The following GABBR2 variants were observed in gnomAD, a reference collection of about 807,000 sequenced individuals.
GABBR2 encodes the protein G-protein coupled receptor 51.
GABBR2 carries 23 observed loss-of-function variants against 105.6 expected under a neutral mutation model. The observed-to-expected ratio is 0.22, with a 90% CI of 0.16 to 0.31. GABBR2 has a LOEUF of 0.31. GABBR2 is among the 10% of genes least tolerant of loss of function. The pLI is 1.00. For missense variants in GABBR2, 734 were observed against 1,245.5 expected, an observed-to-expected ratio of 0.59 and a Z score of 6.18; for synonymous variants, 478 against 499.7, an observed-to-expected ratio of 0.96 and a Z score of 0.58.
chr9:98,362,561 T>C, intron 13 of GABBR2, 154 bp downstream of exon 13: 1 of 467,026 alleles, frequency 2.1e-6, no homozygotes, highest in Non-Finnish European at 3.6e-6. Flanking sequence ...ATATTTGGCC[T>C]CCCTGGAATT....
chr9:98,355,125 C>A (rs79389950), intron 13 of GABBR2, among the ~76,000 whole-genome samples: 2 of 151,962 alleles, frequency 1.3e-5, no homozygotes. Context: ...GCAGTCAGAA[C>A]GCACAGAACA....
chr9:98,372,333 C>T (rs1175929889), intron 11 of GABBR2, among the ~76,000 whole-genome samples: 2 of 152,150 alleles, frequency 1.3e-5, no homozygotes, highest in Admixed American at 6.5e-5. Flanking sequence ...ACCCAGGAGA[C>T]GTGCACATCT....
intron 1 of GABBR2, among the ~76,000 whole-genome samples, chr9:98,582,408 C>T (rs1274428443): frequency 6.6e-6 from 1 of 152,130 alleles, no homozygotes; most frequent in African/African-American, 2.4e-5. Context: ...CAAATCTTCC[C>T]CAGTTGAGCC....
At chr9:98,666,167 G>A (rs1164257870) in intron 1 of GABBR2, among the ~76,000 whole-genome samples, 1 of 152,242 alleles carries the variant, frequency 6.6e-6, no homozygotes, top group South Asian at 2.1e-4. Context: ...GCCTTCTGAA[G>A]GCTCAGGTGA....
At chr9:98,429,691 G>A (rs996945324) in intron 7 of GABBR2, among the ~76,000 whole-genome samples, 2 of 152,178 alleles carry the variant, frequency 1.3e-5, no homozygotes, top group African/African-American at 2.4e-5. Flanking sequence ...TTGAGGACAA[G>A]CCATTCACTC....
At chr9:98,683,117 G>A (rs1181375017) in intron 1 of GABBR2, among the ~76,000 whole-genome samples, 4 of 151,988 alleles carry the variant, frequency 2.6e-5, no homozygotes, top group Non-Finnish European at 5.9e-5. Context: ...CCCCCGAGAC[G>A]GAGTCTTGCT....
intron 1 of GABBR2, among the ~76,000 whole-genome samples, chr9:98,606,566 C>T (rs1178643676): frequency 6.6e-6 from 1 of 150,862 alleles, no homozygotes; most frequent in Admixed American, 6.6e-5. Flanking sequence ...CCGCAACCTC[C>T]ACCTCCCAGG....
chr9:98,648,390 C>T (rs1270413167), intron 1 of GABBR2, among the ~76,000 whole-genome samples: 1 of 152,136 alleles, frequency 6.6e-6, no homozygotes, highest in Non-Finnish European at 1.5e-5. Context: ...ACCTCAGCCT[C>T]CCAAAGTGCT....
At chr9:98,672,836 C>A (rs1302453808) in intron 1 of GABBR2, among the ~76,000 whole-genome samples, 1 of 152,218 alleles carries the variant, frequency 6.6e-6, no homozygotes, top group African/African-American at 2.4e-5. Flanking sequence ...TTGGTCACGG[C>A]CACCTCCCTT....
At chr9:98,387,155 G>T (rs1259746416) in intron 10 of GABBR2, among the ~76,000 whole-genome samples, 1 of 152,186 alleles carries the variant, frequency 6.6e-6, no homozygotes, top group Non-Finnish European at 1.5e-5. Context: ...GACAGAAGTA[G>T]GGGGAGGGAT....
At chr9:98,433,780 T>A (rs1825851945) in intron 7 of GABBR2, among the ~76,000 whole-genome samples, 1 of 152,196 alleles carries the variant, frequency 6.6e-6, no homozygotes, top group Non-Finnish European at 1.5e-5. Flanking sequence ...TATTGATACC[T>A]GGGCATGTTT....
At chr9:98,602,570 C>G (rs1051767738) in intron 1 of GABBR2, among the ~76,000 whole-genome samples, 1 of 151,950 alleles carries the variant, frequency 6.6e-6, no homozygotes, top group African/African-American at 2.4e-5. Context: ...GGATTACAGG[C>G]GCGAGCCACT....
At chr9:98,648,080 G>GGTGTGTGTGTGTGTGTGTGTGTGT (rs1554723457) in intron 1 of GABBR2, among the ~76,000 whole-genome samples, 17 of 68,014 alleles carry the variant, frequency 2.5e-4, no homozygotes, top group African/African-American at 7.0e-4. Flanking sequence ...AATCATACAG[G>GGTGTGTGTGTGTGTGTGTGTGTGT]GTGTGTGTGT....
At chr9:98,688,105 A>G (rs925875042) in intron 1 of GABBR2, among the ~76,000 whole-genome samples, 21 of 152,130 alleles carry the variant, frequency 1.4e-4, no homozygotes, top group African/African-American at 4.8e-4. Context: ...ACAGTCAACA[A>G]GAGCCTCTGC....
chr9:98,382,949 C>CT (rs1308657147), intron 11 of GABBR2, among the ~76,000 whole-genome samples: 2 of 150,626 alleles, frequency 1.3e-5, no homozygotes, highest in Non-Finnish European at 3.0e-5. Context: ...TTGTTTTTTT[C>CT]TTTTTTTTGA....
intron 1 of GABBR2, among the ~76,000 whole-genome samples, chr9:98,637,574 A>G (rs1037146033): frequency 6.6e-6 from 1 of 152,148 alleles, no homozygotes; most frequent in Non-Finnish European, 1.5e-5. Flanking sequence ...AATTACAAGC[A>G]TCCTTAAAAG....
At chr9:98,682,602 C>T (rs1302848237) in intron 1 of GABBR2, among the ~76,000 whole-genome samples, 1 of 152,028 alleles carries the variant, frequency 6.6e-6, no homozygotes, top group Non-Finnish European at 1.5e-5. Context: ...TCTTGAACTC[C>T]TGACCTCAGG....
Position 98,341,089 on chromosome 9 carries a change from C to T in GABBR2, c.1893+21626G>A, listed in dbSNP as rs184930063. Among the ~76,000 whole-genome samples, 212 of 152,346 alleles carry T rather than the reference C, an allele frequency of 1.4e-3. 1 individual carries two copies. The highest frequency in any genetic ancestry group is 5.0e-3 in the African/African-American group (206 of 41,580). On this transcript the variant is annotated intron_variant, in intron 13 of 18. Coordinates refer to ENST00000259455, the MANE Select transcript of GABBR2 (RefSeq NM_005458.8). The stretch of plus-strand genomic sequence containing the variant: ...TTTTGTGATTTGTGTCCTAATGGGC[C>T]TCTGGCTGGCCCCATGTGCTGCCCA...
At chr9:98,411,392 G>A (rs10818892) in intron 7 of GABBR2, among the ~76,000 whole-genome samples, 28,430 of 152,086 alleles carry the variant, frequency 0.19, 4,318 homozygotes, top group African/African-American at 0.42. Context: ...CTGAGCATCA[G>A]TTCTTCTACT....
Sources: allele counts gnomAD v4.1 joint callset (sites outside exome capture counted in the v4.1 genomes callset), GRCh38; gene constraint gnomAD v4.1.1; transcripts MANE v1.5; gene names NCBI Gene and HGNC (gene_info 2026-07-23, HGNC 2026-07-21).